Variants in FAM219A observed in about 807,000 individuals in gnomAD.
FAM219A encodes protein FAM219A.
Under a neutral mutation model 23.4 loss-of-function variants are expected in FAM219A, and 7 were observed. That is an observed-to-expected ratio of 0.30 (90% CI 0.17 to 0.56). The LOEUF (loss-of-function observed/expected upper bound fraction) is 0.56, where lower values mean the gene tolerates loss of function less well. Among genes scored for constraint, FAM219A ranks in the 20% least tolerant of loss-of-function variants. FAM219A has a pLI of 0.92. For missense variants in FAM219A, 166 were observed against 246.9 expected (o/e 0.67, Z 2.20); for synonymous variants, 93 against 99.0 (o/e 0.94, Z 0.36).
chr9:34,406,116 G>A, intron 1 of FAM219A, 152 bp from the exon 2 acceptor site: 1 of 943,150 alleles, frequency 1.1e-6, no homozygotes, highest in Non-Finnish European at 1.5e-6. Context: ...GAGAGGGGCA[G>A]ACCCATCTAC....
rs1473701576 is a variant in FAM219A, at chr9:34,405,893, G to A, written c.132C>T (p.Tyr44=). 1.2e-6 allele frequency: 2 copies of A among 1,614,064 alleles called. No homozygotes were observed. The highest frequency in any genetic ancestry group is 1.7e-6 in the Non-Finnish European group (2 of 1,179,980). ...AREGESVAMN[Y]KPSPLQVKLE... ...GCTTCACTTGGAGCGGGGATGGTTTGTAATTCATGGCTACTGACTCACCCT... is the reference window on the plus strand; with the variant it reads ...GCTTCACTTGGAGCGGGGATGGTTTATAATTCATGGCTACTGACTCACCCT... Residue 44 remains tyrosine (Y), a synonymous_variant, in exon 2 of 6, where the codon TAC becomes TAT. Coordinates refer to ENST00000651358, the MANE Select transcript of FAM219A (RefSeq NM_001184940.2).
At chr9:34,455,306 A>G (rs980087451) in intron 1 of FAM219A, among the ~76,000 whole-genome samples, 1 of 152,146 alleles carries the variant, frequency 6.6e-6, no homozygotes, top group African/African-American at 2.4e-5. Context: ...TCGAGGAAGG[A>G]GGAGAGACTT....
At chr9:34,425,381 G>A (rs983377802) in intron 1 of FAM219A, among the ~76,000 whole-genome samples, 37 of 152,148 alleles carry the variant, frequency 2.4e-4, no homozygotes, top group Non-Finnish European at 4.4e-4. Flanking sequence ...TCGGGAGGCT[G>A]AGGCAGGAGA....
At position 34,406,313 on chromosome 9, in the gene FAM219A, T is replaced by G. The variant is rs1001473030; in HGVS notation, c.61-349A>C. ...ACTAGTAGCCCTTCCCCTCAGGCCC[T>G]TCCTGTGTACTTGCTTGGCAAGGTC... On this transcript the variant is annotated intron_variant, in intron 1 of 5. Coordinates refer to ENST00000651358, the MANE Select transcript of FAM219A (RefSeq NM_001184940.2). 3.0e-6 allele frequency: 3 copies of G among 985,432 alleles called. No homozygotes were observed. The East Asian group carries it at 3.4e-4, about 112-fold the overall frequency. 61.0% of individuals were successfully genotyped at this position (985,432 alleles called of 1,614,324 possible).
intron 1 of FAM219A, among the ~76,000 whole-genome samples, chr9:34,416,947 C>T (rs1192424022): frequency 6.6e-6 from 1 of 151,834 alleles, no homozygotes; most frequent in East Asian, 1.9e-4. Context: ...ACTACTTCAG[C>T]TTCCCGTGTA....
chr9:34,408,715 C>A (rs796309508), intron 1 of FAM219A, among the ~76,000 whole-genome samples: 1 of 152,174 alleles, frequency 6.6e-6, no homozygotes, highest in South Asian at 2.1e-4. Context: ...TCCTATAGTT[C>A]TGATTGGCAT....
chr9:34,431,584 AGAG>A, intron 1 of FAM219A, among the ~76,000 whole-genome samples: 1 of 152,276 alleles, frequency 6.6e-6, no homozygotes, highest in South Asian at 2.1e-4. Context: ...CCTAAATCCA[AGAG>A]GAGAGAGCTG....
chr9:34,447,755 C>T (rs999907525), intron 1 of FAM219A, among the ~76,000 whole-genome samples: 2 of 152,158 alleles, frequency 1.3e-5, no homozygotes, highest in African/African-American at 4.8e-5. Flanking sequence ...ATCTGCTCAG[C>T]AGAGTCCAGG....
intron 2 of FAM219A, among the ~76,000 whole-genome samples, chr9:34,403,173 T>C (rs1184587086): frequency 6.6e-6 from 1 of 151,722 alleles, no homozygotes; most frequent in South Asian, 2.1e-4. Context: ...TGGAGAGAGG[T>C]GGACATTCTA....
At chr9:34,440,621 C>T (rs1267105203) in intron 1 of FAM219A, among the ~76,000 whole-genome samples, 4 of 152,034 alleles carry the variant, frequency 2.6e-5, no homozygotes, top group South Asian at 2.1e-4. Flanking sequence ...AAGGCCGAGG[C>T]GGGCGGATCA....
chr9:34,438,228 C>G (rs374464547), intron 1 of FAM219A, among the ~76,000 whole-genome samples: 1 of 152,232 alleles, frequency 6.6e-6, no homozygotes, highest in Non-Finnish European at 1.5e-5. Flanking sequence ...GGCTCCTGTG[C>G]GGCCATGAGC....
chr9:34,448,779 G>T lies in FAM219A; in HGVS notation c.60+9425C>A, dbSNP rs143546796. On this transcript the variant is annotated intron_variant, in intron 1 of 5. Transcript: ENST00000651358. ...AAAATGAGAAATAGAACTAGGCCAT[G>T]GTGGGAGCTAAGCTATGAGGACACA... Among the ~76,000 whole-genome samples, 16 of 152,220 alleles carry T rather than the reference G, an allele frequency of 1.1e-4. No homozygotes were observed. In the East Asian group the frequency reaches 3.1e-3, roughly 29 times the overall value.
intron 1 of FAM219A, among the ~76,000 whole-genome samples, chr9:34,449,564 A>G (rs1823490247): frequency 6.6e-6 from 1 of 152,252 alleles, no homozygotes; most frequent in South Asian, 2.1e-4. Flanking sequence ...ACTAACTAGC[A>G]TAGGGCAAAA....
intron 1 of FAM219A, among the ~76,000 whole-genome samples, chr9:34,416,869 T>C (rs888211820): frequency 6.9e-6 from 1 of 145,956 alleles, no homozygotes; most frequent in African/African-American, 2.6e-5. Flanking sequence ...CAGGATGGAG[T>C]GCAGCGGCTA....
At chr9:34,446,434 G>A (rs1823377797) in intron 1 of FAM219A, among the ~76,000 whole-genome samples, 1 of 152,176 alleles carries the variant, frequency 6.6e-6, no homozygotes, top group South Asian at 2.1e-4. Flanking sequence ...TGGATTCTTG[G>A]ACACGTTTAT....
intron 2 of FAM219A, 47 bp from the exon 3 acceptor site, chr9:34,402,854 C>A: frequency 6.4e-7 from 1 of 1,572,206 alleles, no homozygotes; most frequent in Non-Finnish European, 8.7e-7. Flanking sequence ...CCTGAGGCCA[C>A]CCTGTCTTAC....
At chr9:34,421,673 C>G (rs939850511) in intron 1 of FAM219A, among the ~76,000 whole-genome samples, 1 of 152,024 alleles carries the variant, frequency 6.6e-6, no homozygotes, top group Non-Finnish European at 1.5e-5. Flanking sequence ...ACTTCCTCTT[C>G]TCTGAGTACA....
At chr9:34,403,479 G>A (rs1197412750) in intron 2 of FAM219A, among the ~76,000 whole-genome samples, 1 of 152,218 alleles carries the variant, frequency 6.6e-6, no homozygotes, top group Non-Finnish European at 1.5e-5. Flanking sequence ...TGCAGGATGG[G>A]GCTACAAAGT....
intron 1 of FAM219A, among the ~76,000 whole-genome samples, chr9:34,451,009 G>A (rs12115243): frequency 0.2 from 30,242 of 152,068 alleles, 3,497 homozygotes; most frequent in African/African-American, 0.32. Context: ...CAAACCATCC[G>A]ATCCTCAATT....
Sources: allele counts gnomAD v4.1 joint callset (sites outside exome capture counted in the v4.1 genomes callset), GRCh38; gene constraint gnomAD v4.1.1; transcripts MANE v1.5; gene names NCBI Gene and HGNC (gene_info 2026-07-23, HGNC 2026-07-21).